GALNT13: variants seen among roughly 807,000 people sequenced by gnomAD.
The protein encoded by GALNT13 is polypeptide N-acetylgalactosaminyltransferase 13, also known as UDP-GalNAc:polypeptide N-acetylgalactosaminyltransferase 13.
A neutral mutation model predicts 64.2 loss-of-function variants in GALNT13; 28 were observed. The ratio of observed to expected loss-of-function variants is 0.44; its 90% confidence interval spans 0.32 to 0.60. The LOEUF (loss-of-function observed/expected upper bound fraction) is 0.60. Ranked by LOEUF, GALNT13 falls within the 20% of genes least tolerant of loss-of-function variation. The probability of loss-of-function intolerance (pLI) is 0.05; values close to 1 mark genes in which losing one functional copy is unlikely to be tolerated. For missense variants in GALNT13, 577 were observed against 669.8 expected, an observed-to-expected ratio of 0.86 and a Z score of 1.53; for synonymous variants, 214 against 224.6, an observed-to-expected ratio of 0.95 and a Z score of 0.42.
At chr2:153,669,211 C>T in the GALNT13 span, among the ~76,000 whole-genome samples, 16 of 152,316 alleles carry the variant, frequency 1.1e-4, no homozygotes, top group African/African-American at 3.6e-4. Flanking sequence ...ACAGCCTCCC[C>T]ATACCACTTT....
upstream of GALNT13, among the ~76,000 whole-genome samples, chr2:153,867,500 C>T (rs1330007309): frequency 6.6e-6 from 1 of 152,104 alleles, no homozygotes; most frequent in Non-Finnish European, 1.5e-5. Context: ...TAGCCCTCCC[C>T]AACATTTTTG....
At chr2:153,884,843 G>GTA (rs1325715704) in intron 1 of GALNT13, among the ~76,000 whole-genome samples, 1 of 85,104 alleles carries the variant, frequency 1.2e-5, no homozygotes, top group Admixed American at 1.1e-4. Flanking sequence ...GTGTGTGTGT[G>GTA]TATATATGTA....
At chr2:153,909,928 A>T (rs964056216) in intron 2 of GALNT13, among the ~76,000 whole-genome samples, 1 of 152,094 alleles carries the variant, frequency 6.6e-6, no homozygotes, top group African/African-American at 2.4e-5. Context: ...TGGTATCAGG[A>T]TGATGCTGGC....
chr2:153,347,529 C>G, the GALNT13 span, among the ~76,000 whole-genome samples: 1 of 152,148 alleles, frequency 6.6e-6, no homozygotes, highest in Non-Finnish European at 1.5e-5. Flanking sequence ...TTTAAAAAAA[C>G]TGAAGTTGAT....
chr2:153,166,621 ATGTGTGTG>A, the GALNT13 span, among the ~76,000 whole-genome samples: 8,794 of 122,688 alleles, frequency 0.072, 864 homozygotes, highest in East Asian at 0.46. Context: ...TGCCTACTGC[ATGTGTGTG>A]TGTGTGTGTG....
At chr2:153,222,380 T>C in the GALNT13 span, among the ~76,000 whole-genome samples, 1 of 39,168 alleles carries the variant, frequency 2.6e-5, no homozygotes, top group Non-Finnish European at 4.9e-5. Context: ...AAGTACTTGC[T>C]GATTGGTCCA....
At chr2:154,456,163 T>G (rs915808295), downstream of GALNT13, among the ~76,000 whole-genome samples, 1 of 139,730 alleles carries the variant, frequency 7.2e-6, no homozygotes, top group East Asian at 2.1e-4. Context: ...TTTTTTTTTG[T>G]ATTTCAGCTT....
the GALNT13 span, among the ~76,000 whole-genome samples, chr2:153,082,796 ATTATTTATTGAATAAATAAAATATATT>A: frequency 1.4e-5 from 2 of 144,696 alleles, no homozygotes; most frequent in Non-Finnish European, 3.0e-5. Context: ...TAAAATATAT[ATTATTTATTGAATAAATAAAATATATT>A]TTATTTATTT....
intron 3 of GALNT13, among the ~76,000 whole-genome samples, chr2:154,033,927 G>A (rs10931881): frequency 0.77 from 116,353 of 152,020 alleles, 44,911 homozygotes; most frequent in East Asian, 0.96. Context: ...CGACAGAGCA[G>A]GACTCCATCT....
chr2:153,431,353 G>A, the GALNT13 span, among the ~76,000 whole-genome samples: 1 of 152,066 alleles, frequency 6.6e-6, no homozygotes, highest in Non-Finnish European at 1.5e-5. Flanking sequence ...TGATAGAGGT[G>A]ATCGTGAGGC....
At chr2:153,815,389 C>T in the GALNT13 span, among the ~76,000 whole-genome samples, 1 of 152,272 alleles carries the variant, frequency 6.6e-6, no homozygotes, top group African/African-American at 2.4e-5. Context: ...TGTATAAACT[C>T]AGGTGAAGTG....
chr2:154,286,114 A>G (rs1692251381), intron 8 of GALNT13, among the ~76,000 whole-genome samples: 1 of 152,172 alleles, frequency 6.6e-6, no homozygotes. Context: ...TGCATATAAG[A>G]TCGTGTCATC....
At position 154,117,694 on chromosome 2, in the gene GALNT13, G is replaced by A. The variant is rs554237477; in HGVS notation, c.143-22643G>A. ...CCAGAAATAAACCCAAATATTTACA[G>A]CCAACTGATCCTGGACAAAGCAAAT... On this transcript the variant is annotated intron_variant, in intron 3 of 12. Coordinates refer to ENST00000392825, the MANE Select transcript of GALNT13 (RefSeq NM_052917.4). Among the ~76,000 whole-genome samples, 5 of 152,200 alleles carry A rather than the reference G, an allele frequency of 3.3e-5. No individual in the cohort carries two copies. In the South Asian group the frequency reaches 6.2e-4, roughly 19 times the overall value.
chr2:153,672,584 C>G, the GALNT13 span, among the ~76,000 whole-genome samples: 9 of 152,168 alleles, frequency 5.9e-5, no homozygotes, highest in African/African-American at 2.2e-4. Context: ...GCACTAAATG[C>G]CCACAAGAGA....
At chr2:154,010,889 T>C (rs1430447363) in intron 3 of GALNT13, among the ~76,000 whole-genome samples, 1 of 152,014 alleles carries the variant, frequency 6.6e-6, no homozygotes, top group Non-Finnish European at 1.5e-5. Flanking sequence ...GTATTCATAA[T>C]AGTCTCTGAG....
the GALNT13 span, among the ~76,000 whole-genome samples, chr2:153,348,384 G>C: frequency 5.9e-5 from 9 of 152,114 alleles, no homozygotes; most frequent in African/African-American, 2.2e-4. Context: ...ACCAACCTAG[G>C]CACCTTCAGA....
At chr2:153,302,693 C>T in the GALNT13 span, among the ~76,000 whole-genome samples, 1 of 152,142 alleles carries the variant, frequency 6.6e-6, no homozygotes, top group East Asian at 1.9e-4. Flanking sequence ...TCAGGTCTTA[C>T]AGTTAAGACT....
chr2:153,315,167 A>T, the GALNT13 span, among the ~76,000 whole-genome samples: 1 of 152,240 alleles, frequency 6.6e-6, no homozygotes, highest in Non-Finnish European at 1.5e-5. Context: ...TATTAAGAAG[A>T]CACAACAACC....
At chr2:154,401,408 G>A (rs187790420) in intron 10 of GALNT13, among the ~76,000 whole-genome samples, 163 of 152,122 alleles carry the variant, frequency 1.1e-3, no homozygotes, top group Admixed American at 2.2e-3. Flanking sequence ...ACGTAAATGC[G>A]GACATTTTTC....
Sources: allele counts gnomAD v4.1 joint callset (sites outside exome capture counted in the v4.1 genomes callset), GRCh38; gene constraint gnomAD v4.1.1; transcripts MANE v1.5; gene names NCBI Gene and HGNC (gene_info 2026-07-23, HGNC 2026-07-21).